CEMIP2: variants seen among roughly 807,000 people sequenced by gnomAD.
CEMIP2 encodes the protein cell surface hyaluronidase CEMIP2.
In CEMIP2, 79 loss-of-function variants were observed where a neutral mutation model predicts 146.9. That is an observed-to-expected ratio of 0.54 (90% CI 0.45 to 0.65). CEMIP2 has a LOEUF of 0.65. CEMIP2 is among the 30% of genes least tolerant of loss of function. CEMIP2 has a pLI of 0.00. For synonymous variants in CEMIP2, 601 were observed against 606.3 expected, an observed-to-expected ratio of 0.99 and a Z score of 0.13; for missense variants, 1,596 against 1,696.2, an observed-to-expected ratio of 0.94 and a Z score of 1.04.
chr9:71,690,556 TACAC>T (rs986812723), intron 21 of CEMIP2, among the ~76,000 whole-genome samples: 6 of 152,208 alleles, frequency 3.9e-5, no homozygotes, highest in African/African-American at 1.4e-4. Flanking sequence ...TATTCCTTCT[TACAC>T]ACACTCTCAC....
intron 5 of CEMIP2, 71 bp from the exon 6 acceptor site, chr9:71,735,065 C>CCTCACA (rs1223946256): frequency 6.7e-6 from 10 of 1,485,954 alleles, no homozygotes; most frequent in Non-Finnish European, 8.9e-6. Flanking sequence ...TAAAATGAAC[C>CCTCACA]CTCACACTGA....
chr9:71,702,089 C>A (rs1822577272), intron 18 of CEMIP2, among the ~76,000 whole-genome samples: 1 of 151,972 alleles, frequency 6.6e-6, no homozygotes, highest in South Asian at 2.1e-4. Context: ...AAAACCACAT[C>A]TGTATAAAAA....
At chr9:71,727,395 G>A (rs1394234674) in intron 10 of CEMIP2, among the ~76,000 whole-genome samples, 2 of 152,096 alleles carry the variant, frequency 1.3e-5, no homozygotes, top group Non-Finnish European at 2.9e-5. Context: ...CCTCATACAG[G>A]CTCAAAAATA....
At chr9:71,762,022 T>C (rs1824650406) in intron 1 of CEMIP2, among the ~76,000 whole-genome samples, 2 of 134,846 alleles carry the variant, frequency 1.5e-5, no homozygotes, top group South Asian at 2.5e-4. Context: ...CGTTGCCCAA[T>C]AGTGACTAAA....
chr9:71,756,506 T>TCTCTCA (rs1010879160), intron 1 of CEMIP2, among the ~76,000 whole-genome samples: 134 of 112,546 alleles, frequency 1.2e-3, no homozygotes, highest in Non-Finnish European at 1.5e-3. Flanking sequence ...TCTCTCTCTC[T>TCTCTCA]CACACACACA....
rs149228669 is a variant in CEMIP2, at chr9:71,685,001, T to C, written c.*196A>G. The C allele has an allele frequency of 1.8e-4, 90 of 507,538 alleles. No individual in the cohort carries two copies. Among genetic ancestry groups the C allele is most frequent in the African/African-American group, 1.6e-3 (84 of 51,430 alleles). 31.4% of individuals were successfully genotyped at this position (507,538 alleles called of 1,614,324 possible). ...ACCAGCCTTACAAATACAAACAACG[T>C]CTTTAACATTTTGTACAACTAGAAG... is the stretch of plus-strand genomic sequence containing the variant. On this transcript the variant is annotated 3_prime_UTR_variant, in exon 24 of 24. Transcript: ENST00000377044.
rs1454778108 is a variant in CEMIP2, at chr9:71,730,142, T to C, written c.1885A>G (p.Thr629Ala). Residue 629 changes from threonine to alanine, a missense_variant, in exon 9 of 24, where the codon ACT becomes GCT. Transcript: ENST00000377044. ...TTGTTCCTATCGGTGGGCAGGAGAG[T>C]ACCCGGCTTGGTGAGGAGTCCCAGA... ...HNLGLLTKPG[T>A]LLPTDRNNSM... The C allele has an allele frequency of 1.9e-6, 3 of 1,613,922 alleles. No homozygotes were observed. Among genetic ancestry groups the C allele is most frequent in the South Asian group, 2.2e-5 (2 of 91,068 alleles).
Position 71,730,697 on chromosome 9 carries a change from C to T in CEMIP2, c.1773+8G>A. On this transcript the variant is annotated splice_region_variant and intron_variant, in intron 8 of 23. Coordinates refer to ENST00000377044, the MANE Select transcript of CEMIP2 (RefSeq NM_013390.3). ...TAATATGGGTTGACCTAATGCGAGG[C>T]TACTTACTAGCAAGCCATTTGTCCC... is the stretch of plus-strand genomic sequence containing the variant. 6.2e-7 allele frequency: 1 copy of T among 1,613,974 alleles called. No homozygotes were observed. Among genetic ancestry groups the T allele is most frequent in the East Asian group, 2.2e-5 (1 of 44,878 alleles).
intron 20 of CEMIP2, 159 bp downstream of exon 20, chr9:71,697,826 C>T: frequency 1.5e-6 from 1 of 667,670 alleles, no homozygotes; most frequent in Non-Finnish European, 2.5e-6. Context: ...TAGTTTGCTT[C>T]TTACGCGCTT....
At chr9:71,743,113 A>G (rs1445281335) in intron 4 of CEMIP2, among the ~76,000 whole-genome samples, 2 of 152,240 alleles carry the variant, frequency 1.3e-5, no homozygotes, top group Admixed American at 1.3e-4. Context: ...CAACAATATG[A>G]ATAGCATTCA....
At chr9:71,715,240 T>C in intron 14 of CEMIP2, 151 bp from the exon 15 acceptor site, 20 of 88,644 alleles carry the variant, frequency 2.3e-4, no homozygotes, top group South Asian at 9.8e-4. Flanking sequence ...GAAACTGCTT[T>C]TTTTTTTTTT....
intron 11 of CEMIP2, among the ~76,000 whole-genome samples, chr9:71,725,269 C>T (rs1394713466): frequency 6.6e-6 from 1 of 152,102 alleles, no homozygotes; most frequent in South Asian, 2.1e-4. Context: ...ATAACGGATT[C>T]GCCCTCTTGA....
At chr9:71,762,564 G>A (rs1824669720) in intron 1 of CEMIP2, among the ~76,000 whole-genome samples, 1 of 149,934 alleles carries the variant, frequency 6.7e-6, no homozygotes, top group Admixed American at 6.6e-5. Flanking sequence ...CAGGGGCTAC[G>A]TGACAAGCCC....
At chr9:71,693,625 T>G (rs1822299829) in intron 21 of CEMIP2, among the ~76,000 whole-genome samples, 1 of 152,234 alleles carries the variant, frequency 6.6e-6, no homozygotes, top group South Asian at 2.1e-4. Flanking sequence ...AAAAAACATT[T>G]CTTAAATGTA....
intron 1 of CEMIP2, among the ~76,000 whole-genome samples, chr9:71,768,028 T>C (rs1293310384): frequency 1.3e-5 from 2 of 152,164 alleles, no homozygotes; most frequent in African/African-American, 2.4e-5. Context: ...AGGTCCATTG[T>C]TCCCTTCCCC....
At chr9:71,721,596 T>C (rs1016792487) in intron 12 of CEMIP2, among the ~76,000 whole-genome samples, 2 of 152,222 alleles carry the variant, frequency 1.3e-5, no homozygotes, top group African/African-American at 2.4e-5. Context: ...GAAGTCAGGC[T>C]CACCAACCTA....
chr9:71,766,160 C>G (rs566662345), intron 1 of CEMIP2, among the ~76,000 whole-genome samples: 1 of 151,864 alleles, frequency 6.6e-6, no homozygotes, highest in African/African-American at 2.4e-5. Flanking sequence ...CCTCCACCTC[C>G]CAGGTGCAAG....
intron 5 of CEMIP2, among the ~76,000 whole-genome samples, chr9:71,738,627 C>T (rs955855620): frequency 1.1e-4 from 17 of 152,130 alleles, no homozygotes; most frequent in African/African-American, 3.6e-4. Flanking sequence ...ATCACAATGT[C>T]GGGAGTTCAA....
At chr9:71,763,689 T>C (rs1453961708) in intron 1 of CEMIP2, among the ~76,000 whole-genome samples, 2 of 152,224 alleles carry the variant, frequency 1.3e-5, no homozygotes, top group African/African-American at 4.8e-5. Flanking sequence ...AGAAAATAAA[T>C]GTCTTGTTAC....
Sources: gnomAD v4.1 joint callset for allele counts (sites outside exome capture counted in the v4.1 genomes callset) on GRCh38, gnomAD v4.1.1 for gene constraint, MANE v1.5 for transcripts, NCBI Gene and HGNC (gene_info 2026-07-23, HGNC 2026-07-21) for gene names.